CHRNE: variants seen among roughly 807,000 people sequenced by gnomAD.
CHRNE encodes the protein acetylcholine receptor subunit epsilon.
Under a neutral mutation model 56.5 loss-of-function variants are expected in CHRNE, and 58 were observed. The ratio of observed to expected loss-of-function variants is 1.03; its 90% CI spans 0.83 to 1.28. The LOEUF (loss-of-function observed/expected upper bound fraction) is 1.28, where lower values mean the gene tolerates loss of function less well. Ranked by LOEUF, CHRNE falls within the 50% of genes most tolerant of loss-of-function variation. The probability of loss-of-function intolerance (pLI) is 0.00; values close to 1 mark genes in which losing one functional copy is unlikely to be tolerated. For synonymous variants in CHRNE, 385 were observed against 297.9 expected (o/e 1.29, Z -3.01); for missense variants, 793 against 688.9 (o/e 1.15, Z -1.69).
chr17:4,906,780 T>C (rs570022642), upstream of CHRNE, among the ~76,000 whole-genome samples: 1 of 147,256 alleles, frequency 6.8e-6, no homozygotes, highest in East Asian at 2.0e-4. Context: ...GAAAACTGTT[T>C]AAAAAAAAAA....
intron 5 of CHRNE, 48 bp downstream of exon 5, chr17:4,901,884 G>GGCCCC: frequency 1.3e-6 from 2 of 1,526,262 alleles, no homozygotes; most frequent in Non-Finnish European, 1.8e-6. Context: ...GCCCCATAAG[G>GGCCCC]CCCCCCCCCA....
chr17:4,903,178 A>C, upstream of CHRNE: 1 of 1,022,350 alleles, frequency 9.8e-7, no homozygotes, highest in Non-Finnish European at 1.5e-6. Flanking sequence ...GGGGACTGTC[A>C]CCTAATCCTC....
upstream of CHRNE, among the ~76,000 whole-genome samples, chr17:4,907,179 A>T (rs2151101089): frequency 6.7e-6 from 1 of 150,266 alleles, no homozygotes; most frequent in Non-Finnish European, 1.5e-5. Flanking sequence ...TGTTAAAAAA[A>T]ACTTAAGAGT....
At position 4,903,010 on chromosome 17, in the gene CHRNE, G is replaced by T; in HGVS notation, c.46+8C>A. The T allele has an allele frequency of 6.2e-7, 1 of 1,614,050 alleles. No homozygotes were observed. Among genetic ancestry groups the T allele is most frequent in the Non-Finnish European group, 8.5e-7 (1 of 1,179,992 alleles). On this transcript the variant is annotated splice_region_variant and intron_variant, in intron 1 of 11. Coordinates refer to ENST00000649488, the MANE Select transcript of CHRNE (RefSeq NM_000080.4). ...GTGTCCAATTGCCCCTCTAGCCCCT[G>T]TCCGTACCGAGAAGCCCCAAGAGGA...
rs1970032941 is a variant in CHRNE at position 4,902,737 on chromosome 17, G to A, written c.73C>T (p.Leu25=). Residue 25 remains leucine (L), a synonymous_variant, in exon 2 of 12, where the codon CTG becomes TTG. Transcript: ENST00000649488. This position sits in a 1 kb window ranked among gnomAD's most constrained non-coding sequence, Gnocchi z 4.0. ...LGRGVGKNEE[L]RLYHHLFNNY... is the part of the protein sequence containing the mutation. ...TTGAAGAGATGGTGATAAAGACGCA[G>A]TTCCTCGTTCTTCCCCACACCCCTG... 2 of 1,613,950 alleles carry A rather than the reference G, an allele frequency of 1.2e-6. No homozygotes were observed. The highest frequency in any genetic ancestry group is 1.3e-5 in the African/African-American group (1 of 74,884).
Position 4,898,837 on chromosome 17 carries a change from C to A in CHRNE, c.1381G>T (p.Ala461Ser), listed in dbSNP as rs1475363676. The A allele has an allele frequency of 6.3e-7, 1 of 1,596,386 alleles. No individual in the cohort carries two copies. The highest frequency in any genetic ancestry group is 1.8e-5 in the Admixed American group (1 of 56,158). Residue 461 changes from alanine to serine, a missense_variant, in exon 12 of 12, where the codon GCC becomes TCC. Physicochemically the swap from Ala to Ser is moderately conservative, Grantham distance 99. Coordinates refer to ENST00000649488, the MANE Select transcript of CHRNE (RefSeq NM_000080.4). Reference sequence around the variant, plus strand: ...CCCACGCTGAAGAGCACCAGAGCGGCCCAGAAGCAGATGTTGTCAAGGGCA... The same window carrying A: ...CCCACGCTGAAGAGCACCAGAGCGGACCAGAAGCAGATGTTGTCAAGGGCA... ...GNALDNICFWAALVLFSVGSS... is the reference protein window; with the variant it reads ...GNALDNICFWSALVLFSVGSS...
At chr17:4,907,855 C>A (rs1970110907), upstream of CHRNE, among the ~76,000 whole-genome samples, 1 of 152,012 alleles carries the variant, frequency 6.6e-6, no homozygotes, top group African/African-American at 2.4e-5. Flanking sequence ...CAGCCTGACC[C>A]ACATGGTGAA....
At position 4,901,357 on chromosome 17, in the gene CHRNE, A is replaced by C; in HGVS notation, c.602-167T>G. 3.2e-6 allele frequency: 3 copies of C among 943,002 alleles called. No individual in the cohort carries two copies. The South Asian group carries it at 4.1e-5, about 13-fold the overall frequency. The allele number at this position is 943,002 out of a possible 1,614,324, so 58.4% of individuals were successfully genotyped here. On this transcript the variant is annotated intron_variant, in intron 6 of 11. Transcript: ENST00000649488. The stretch of plus-strand genomic sequence containing the variant: ...TCTCGTTGAGGGTATGGAAAGCCAG[A>C]AGGCAGGACTAGAGTAACAATCGAG...
chr17:4,907,590 A>AAT (rs386627263), upstream of CHRNE, among the ~76,000 whole-genome samples: 7 of 124,918 alleles, frequency 5.6e-5, no homozygotes, highest in South Asian at 2.5e-4. Context: ...AAAAAAAAAA[A>AAT]CACTCTCAGC....
rs1969822867 is a variant in CHRNE at position 4,898,849 on chromosome 17, T to C, written c.1369A>G (p.Ile457Val). The change falls in exon 12 of 12, where the codon ATC becomes GTC. Residue 457 changes from isoleucine (I) to valine (V), a missense_variant. Ile to Val is a conservative substitution (Grantham distance 29, BLOSUM62 3). Coordinates refer to ENST00000649488, the MANE Select transcript of CHRNE (RefSeq NM_000080.4). ...WVRMGNALDN[I>V]CFWAALVLFS... ...AGCACCAGAGCGGCCCAGAAGCAGA[T>C]GTTGTCAAGGGCATTCCCCATGCGC... 2 of 1,593,288 alleles carry C rather than the reference T, an allele frequency of 1.3e-6. No homozygotes were observed. Among genetic ancestry groups the C allele is most frequent in the Non-Finnish European group, 1.7e-6 (2 of 1,170,676 alleles).
Position 4,902,609 on chromosome 17 carries a change from G to A in CHRNE, c.189+12C>T, listed in dbSNP as rs1970028737. The A allele has an allele frequency of 1.9e-6, 3 of 1,613,992 alleles. No homozygotes were observed. Among genetic ancestry groups the A allele is most frequent in the Non-Finnish European group, 2.5e-6 (3 of 1,180,028 alleles). On this transcript the variant is annotated intron_variant, in intron 2 of 11. Transcript: ENST00000649488. This position sits in a 1 kb window ranked among gnomAD's most constrained non-coding sequence, Gnocchi z 4.0. Reference sequence around the variant, plus strand: ...GGATTTTTGGCTTAAGATGAGGGTGGGGGTAGCTTACCAGTGAGATGAGAT... The same window carrying A: ...GGATTTTTGGCTTAAGATGAGGGTGAGGGTAGCTTACCAGTGAGATGAGAT...
chr17:4,907,542 T>TG (rs1445320368), upstream of CHRNE, among the ~76,000 whole-genome samples: 4 of 124,484 alleles, frequency 3.2e-5, no homozygotes, highest in South Asian at 5.0e-4. Context: ...CACTCCAGCC[T>TG]GGTGACAGAG....
In CHRNE at chr17:4,899,404, T is replaced by C. The variant is rs1449745005; in HGVS notation, c.1033-20A>G. 12 of 1,538,026 alleles carry C rather than the reference T, an allele frequency of 7.8e-6. No individual in the cohort carries two copies. The African/African-American group carries it at 1.5e-4, about 19-fold the overall frequency. On this transcript the variant is annotated intron_variant, in intron 9 of 11. Coordinates refer to ENST00000649488, the MANE Select transcript of CHRNE (RefSeq NM_000080.4). ...GAGAACCTGGGGCAGGGGCGGGGCT[T>C]AGGGGACGAGGTTAGTACGAAGCCC...
At chr17:4,899,910 A>C (rs1969910958) in intron 8 of CHRNE, 4 of 1,547,844 alleles carry the variant, frequency 2.6e-6, no homozygotes, top group Non-Finnish European at 3.5e-6. Context: ...CTGCCCTGCT[A>C]CTCTACTGCT....
At position 4,898,795 on chromosome 17, in the gene CHRNE, G is replaced by C. The variant is rs1228103018; in HGVS notation, c.1423C>G (p.Leu475Val). Reference sequence around the variant, plus strand: ...GGCACTCGGTTGAAGTAGGCCCCGAGGAAGATGAGGCTGGAGCCCACGCTG... The same window carrying C: ...GGCACTCGGTTGAAGTAGGCCCCGACGAAGATGAGGCTGGAGCCCACGCTG... Reference protein sequence around the residue: ...LFSVGSSLIFLGAYFNRVPDL... With the variant: ...LFSVGSSLIFVGAYFNRVPDL... Residue 475 changes from leucine (L) to valine (V), a missense_variant, in exon 12 of 12, where the codon CTC (leucine) becomes GTC (valine). Transcript: ENST00000649488. 3.1e-6 allele frequency: 5 copies of C among 1,608,332 alleles called. No homozygotes were observed. Among genetic ancestry groups the C allele is most frequent in the Non-Finnish European group, 4.2e-6 (5 of 1,177,948 alleles).
chr17:4,902,469 G>C lies in CHRNE; in HGVS notation c.215C>G (p.Thr72Ser), dbSNP rs776272606. The change falls in exon 3 of 12, where the codon ACT becomes AGT. Residue 72 changes from threonine to serine, a missense_variant. By Grantham distance (58) the Thr-to-Ser change is moderately conservative (BLOSUM62 1). Coordinates refer to ENST00000649488, the MANE Select transcript of CHRNE (RefSeq NM_000080.4). This position sits in a 1 kb window ranked among gnomAD's most constrained non-coding sequence, Gnocchi z 4.0. ...ACTCACGATTCCAATCCAGACGCTAGTGGTGAGAGTCTCCTCTTTTTCATT... is the reference window on the plus strand; with the variant it reads ...ACTCACGATTCCAATCCAGACGCTACTGGTGAGAGTCTCCTCTTTTTCATT... Reference protein sequence around the residue: ...SLNEKEETLTTSVWIGIDWQD... With the variant: ...SLNEKEETLTSSVWIGIDWQD... The C allele has an allele frequency of 1.9e-6, 3 of 1,614,218 alleles. No individual in the cohort carries two copies. In the South Asian group the frequency reaches 3.3e-5, roughly 18 times the overall value.
rs932065785 is a variant in CHRNE at position 4,899,675 on chromosome 17, C to G, written c.918-93G>C. ...CTCACAAACACGGCTTCTCCTGGTA[C>G]GGGCTGGTTACGCCCTCCAGCTGCG... is the stretch of plus-strand genomic sequence containing the variant. On this transcript the variant is annotated intron_variant, in intron 8 of 11. Coordinates refer to ENST00000649488, the MANE Select transcript of CHRNE (RefSeq NM_000080.4). The G allele has an allele frequency of 5.5e-6, 8 of 1,442,028 alleles. No individual in the cohort carries two copies. In the Admixed American group the frequency reaches 5.9e-5, roughly 11 times the overall value. 89.3% of individuals were successfully genotyped at this position (1,442,028 alleles called of 1,614,324 possible).
In CHRNE at chr17:4,899,498, G is replaced by T; in HGVS notation, c.1002C>A (p.Thr334=). The change falls in exon 9 of 12, where the codon ACC becomes ACA. Residue 334 remains threonine (T), a synonymous_variant. Coordinates refer to ENST00000649488, the MANE Select transcript of CHRNE (RefSeq NM_000080.4). ...GCAGCCGCGGGGACATGGCGTGGGT[G>T]GTGGGCGTCCGCTGGGACACGTTGA... ...IVLNVSQRTP[T]THAMSPRLRH... is the part of the protein sequence containing the mutation. 1 of 1,602,350 alleles carries T rather than the reference G, an allele frequency of 6.2e-7. No homozygotes were observed. Among genetic ancestry groups the T allele is most frequent in the Non-Finnish European group, 8.5e-7 (1 of 1,175,810 alleles).
rs764491392 is a variant in CHRNE at position 4,899,622 on chromosome 17, C to G, written c.918-40G>C. The G allele has an allele frequency of 4.0e-6, 6 of 1,503,072 alleles. No homozygotes were observed. In the South Asian group the frequency reaches 7.2e-5, roughly 18 times the overall value. The allele number at this position is 1,503,072 out of a possible 1,614,324, so 93.1% of individuals were successfully genotyped here. On this transcript the variant is annotated intron_variant, in intron 8 of 11. Coordinates refer to ENST00000649488, the MANE Select transcript of CHRNE (RefSeq NM_000080.4). ...AGGCATGACATCACCGTTCCTCCTC[C>G]CAGCTACCGAAGGCGCCGCGCGCTG...
Sources: gnomAD v4.1 joint callset for allele counts (sites outside exome capture counted in the v4.1 genomes callset) on GRCh38, gnomAD v4.1.1 for gene constraint, Gnocchi (gnomAD v3.1) non-coding constraint, MANE v1.5 for transcripts, NCBI Gene and HGNC (gene_info 2026-07-23, HGNC 2026-07-21) for gene names.